ANKS1B: variants seen among roughly 807,000 people sequenced by gnomAD.
ANKS1B encodes the protein ankyrin repeat and sterile alpha motif domain-containing protein 1B.
In ANKS1B, 36 loss-of-function variants were observed where a neutral mutation model predicts 148.3. The ratio of observed to expected loss-of-function variants is 0.24; its 90% CI spans 0.19 to 0.32. ANKS1B has a LOEUF of 0.32. ANKS1B is among the 10% of genes least tolerant of loss of function. ANKS1B has a pLI of 1.00. For missense variants in ANKS1B, 1,157 were observed against 1,542.6 expected (o/e 0.75, Z 4.19); for synonymous variants, 542 against 560.8 (o/e 0.97, Z 0.47).
intron 26 of ANKS1B, 87 bp from the exon 27 acceptor site, chr12:98,745,936 GGCCCCTCGCCCCA>G: frequency 7.0e-7 from 1 of 1,437,330 alleles, no homozygotes; most frequent in African/African-American, 1.5e-5. Context: ...ACCCACGCGA[GGCCCCTCGCCCCA>G]GGCGCGGGGC....
At chr12:99,231,156 T>C (rs920321724) in intron 14 of ANKS1B, among the ~76,000 whole-genome samples, 4 of 152,200 alleles carry the variant, frequency 2.6e-5, no homozygotes, top group Non-Finnish European at 5.9e-5. Context: ...TTTTGGGACA[T>C]AGGATATGTT....
chr12:99,984,683 GCGCGCCCT>G lies in ANKS1B; in HGVS notation c.-454_-447del, dbSNP rs1389172110. On this transcript the variant is annotated 5_prime_UTR_variant, in exon 1 of 27. Transcript: ENST00000683438. ...ACACCCGCGGTGGCAGCAGCGGCCCGCGCGCCCTCGCGCCCGACCCGGGCTCGCCTCGG... is the reference window on the plus strand; with the variant it reads ...ACACCCGCGGTGGCAGCAGCGGCCCGCGCGCCCGACCCGGGCTCGCCTCGG... 6.6e-6 allele frequency: 1 copy of G among 152,510 alleles called. No individual in the cohort carries two copies. Among genetic ancestry groups the G allele is most frequent in the African/African-American group, 2.4e-5 (1 of 41,384 alleles). 9.4% of individuals were successfully genotyped at this position (152,510 alleles called of 1,614,324 possible).
chr12:98,838,448 C>T (rs1205531301), intron 17 of ANKS1B, among the ~76,000 whole-genome samples: 1 of 141,438 alleles, frequency 7.1e-6, no homozygotes, highest in Non-Finnish European at 1.6e-5. Flanking sequence ...TTCCTCAGTG[C>T]CATATTTTGC....
intron 12 of ANKS1B, among the ~76,000 whole-genome samples, chr12:99,320,910 C>T (rs1450939541): frequency 1.3e-5 from 2 of 152,122 alleles, no homozygotes; most frequent in Non-Finnish European, 2.9e-5. Flanking sequence ...TGTTAGTTTT[C>T]CTTCTAACAG....
At chr12:99,734,141 CCT>C in intron 8 of ANKS1B, among the ~76,000 whole-genome samples, 1 of 152,090 alleles carries the variant, frequency 6.6e-6, no homozygotes, top group South Asian at 2.1e-4. Flanking sequence ...CAACTTTTTT[CCT>C]CTCTGCCTTA....
intron 17 of ANKS1B, among the ~76,000 whole-genome samples, chr12:98,942,730 A>G (rs1462848161): frequency 6.6e-6 from 1 of 152,256 alleles, no homozygotes; most frequent in South Asian, 2.1e-4. Flanking sequence ...TGTTCAATAT[A>G]TAACGGAATG....
chr12:99,827,355 C>G (rs1383833920), intron 1 of ANKS1B, among the ~76,000 whole-genome samples: 1 of 150,144 alleles, frequency 6.7e-6, no homozygotes, highest in Admixed American at 6.6e-5. Context: ...ATCAAATATA[C>G]AGAGATAGAG....
At chr12:98,869,984 C>T (rs80115411) in intron 17 of ANKS1B, among the ~76,000 whole-genome samples, 4,614 of 152,208 alleles carry the variant, frequency 0.03, 209 homozygotes, top group African/African-American at 0.095. Context: ...CAAGATCTGC[C>T]TGACTTTTTC....
chr12:98,955,331 A>G (rs1294513744), intron 17 of ANKS1B, among the ~76,000 whole-genome samples: 1 of 152,216 alleles, frequency 6.6e-6, no homozygotes, highest in Non-Finnish European at 1.5e-5. Flanking sequence ...AGAGTGGAAC[A>G]GCAGGTACAG....
At chr12:99,631,551 G>A (rs1002873304) in intron 9 of ANKS1B, among the ~76,000 whole-genome samples, 15 of 152,234 alleles carry the variant, frequency 9.9e-5, no homozygotes, top group South Asian at 4.2e-4. Context: ...AGGCCATTTC[G>A]ATGAGGTTTC....
chr12:99,142,262 G>A (rs1566405056), intron 15 of ANKS1B, among the ~76,000 whole-genome samples: 1 of 151,834 alleles, frequency 6.6e-6, no homozygotes, highest in Non-Finnish European at 1.5e-5. Context: ...GAGAAAGATC[G>A]GGTAAACAGG....
At chr12:99,334,309 G>A (rs2152295510) in intron 12 of ANKS1B, among the ~76,000 whole-genome samples, 1 of 151,980 alleles carries the variant, frequency 6.6e-6, no homozygotes, top group South Asian at 2.1e-4. Context: ...AGACCCACCA[G>A]GCCTCGAGAA....
intron 17 of ANKS1B, among the ~76,000 whole-genome samples, chr12:98,855,603 C>T (rs190737565): frequency 1.8e-4 from 28 of 152,216 alleles, no homozygotes; most frequent in Admixed American, 3.3e-4. Context: ...AGAAAATATA[C>T]GCAGGATAAA....
At chr12:98,966,018 C>T (rs528071066) in intron 17 of ANKS1B, among the ~76,000 whole-genome samples, 1 of 152,290 alleles carries the variant, frequency 6.6e-6, no homozygotes, top group African/African-American at 2.4e-5. Flanking sequence ...ACACCAAAAG[C>T]AATGGCAACA....
chr12:98,749,527 G>T (rs1306056810), intron 26 of ANKS1B, among the ~76,000 whole-genome samples: 1 of 152,200 alleles, frequency 6.6e-6, no homozygotes, highest in Non-Finnish European at 1.5e-5. Flanking sequence ...GGGTATCTAT[G>T]TCAGATTGGG....
intron 9 of ANKS1B, among the ~76,000 whole-genome samples, chr12:99,545,074 T>C (rs1420552514): frequency 1.3e-5 from 2 of 152,186 alleles, no homozygotes; most frequent in Non-Finnish European, 2.9e-5. Flanking sequence ...GAGCTATTGA[T>C]ATAATTCTAA....
intron 10 of ANKS1B, among the ~76,000 whole-genome samples, chr12:99,468,828 T>C (rs923573424): frequency 1.7e-4 from 26 of 152,096 alleles, no homozygotes; most frequent in African/African-American, 5.3e-4. Flanking sequence ...AGGAACACTT[T>C]TACACTGTTG....
chr12:98,886,224 T>C (rs2152565654), intron 17 of ANKS1B, among the ~76,000 whole-genome samples: 1 of 152,152 alleles, frequency 6.6e-6, no homozygotes, highest in East Asian at 1.9e-4. Flanking sequence ...GAAATCTGAA[T>C]GAGATGAAAA....
chr12:98,830,056 ATC>A (rs1452821129), intron 18 of ANKS1B, among the ~76,000 whole-genome samples: 1 of 152,008 alleles, frequency 6.6e-6, no homozygotes, highest in East Asian at 1.9e-4. Flanking sequence ...TTGCATGGAA[ATC>A]TCTGTCTTTG....
Sources: allele counts gnomAD v4.1 joint callset (sites outside exome capture counted in the v4.1 genomes callset), GRCh38; gene constraint gnomAD v4.1.1; transcripts MANE v1.5; gene names NCBI Gene and HGNC (gene_info 2026-07-23, HGNC 2026-07-21).